The following TBC1D22A variants were observed in gnomAD, a reference collection of about 807,000 sequenced individuals.
TBC1D22A encodes putative GTPase activator.
TBC1D22A carries 38 observed loss-of-function variants against 60.2 expected under a neutral mutation model. The ratio of observed to expected loss-of-function variants is 0.63; its 90% CI spans 0.49 to 0.83. The LOEUF (loss-of-function observed/expected upper bound fraction) is 0.83. Ranked by LOEUF, TBC1D22A falls within the 40% of genes least tolerant of loss-of-function variation. The pLI is 0.00. For synonymous variants in TBC1D22A, 302 were observed against 281.7 expected, an observed-to-expected ratio of 1.07 and a Z score of -0.72; for missense variants, 628 against 701.0, an observed-to-expected ratio of 0.90 and a Z score of 1.18.
At chr22:46,888,028 G>A (rs906471508) in intron 5 of TBC1D22A, among the ~76,000 whole-genome samples, 1 of 152,162 alleles carries the variant, frequency 6.6e-6, no homozygotes, top group Non-Finnish European at 1.5e-5. Context: ...TCTCTTTCAG[G>A]TCAGCTTTTC....
At chr22:47,109,308 C>A (rs2065758229) in intron 11 of TBC1D22A, among the ~76,000 whole-genome samples, 1 of 152,148 alleles carries the variant, frequency 6.6e-6, no homozygotes, top group Non-Finnish European at 1.5e-5. Context: ...TGAAGCATAC[C>A]TGTCAGTTAT....
chr22:47,159,440 G>A (rs1242573976), intron 12 of TBC1D22A, among the ~76,000 whole-genome samples: 1 of 146,228 alleles, frequency 6.8e-6, no homozygotes, highest in African/African-American at 2.6e-5. Flanking sequence ...CAAACACACA[G>A]CATGTATACA....
chr22:46,863,214 A>G (rs111569011), intron 4 of TBC1D22A, among the ~76,000 whole-genome samples: 2,936 of 152,318 alleles, frequency 0.019, 112 homozygotes, highest in African/African-American at 0.067. Context: ...ACAAGCAGCC[A>G]GGAGGTGGCT....
chr22:46,894,847 G>T lies in TBC1D22A; in HGVS notation c.900+1G>T. On this transcript the variant is annotated splice_donor_variant, in intron 7 of 12. Coordinates refer to ENST00000337137, the MANE Select transcript of TBC1D22A (RefSeq NM_014346.5). LOFTEE classifies it high-confidence loss of function. ...GATCCTGCAGCCCAAGGTGACGGAG[G>T]TAAGAAGCTCTTGCCGTGGGGAGTT... The T allele has an allele frequency of 1.2e-6, 2 of 1,614,220 alleles. No homozygotes were observed. The highest frequency in any genetic ancestry group is 2.2e-5 in the South Asian group (2 of 91,090).
At chr22:46,907,400 A>G (rs562632085) in intron 7 of TBC1D22A, among the ~76,000 whole-genome samples, 14 of 152,280 alleles carry the variant, frequency 9.2e-5, no homozygotes, top group African/African-American at 3.1e-4. Flanking sequence ...AGGCTGCAGC[A>G]TTGCCTGGTA....
chr22:46,857,362 C>T (rs2087621530), intron 4 of TBC1D22A, among the ~76,000 whole-genome samples: 1 of 152,180 alleles, frequency 6.6e-6, no homozygotes, highest in African/African-American at 2.4e-5. Context: ...AAAAGCTGCA[C>T]GTCAAAGCCC....
At chr22:47,155,209 T>C (rs866786043) in intron 12 of TBC1D22A, among the ~76,000 whole-genome samples, 8 of 136,584 alleles carry the variant, frequency 5.9e-5, no homozygotes, top group Middle Eastern at 3.5e-3. Flanking sequence ...AGAATTCCTT[T>C]TTTGGAAAAA....
intron 4 of TBC1D22A, among the ~76,000 whole-genome samples, chr22:46,833,150 C>G (rs2086381811): frequency 6.6e-6 from 1 of 152,202 alleles, no homozygotes; most frequent in South Asian, 2.1e-4. Context: ...ATGAGTTAAT[C>G]TCTTTCTATT....
intron 10 of TBC1D22A, among the ~76,000 whole-genome samples, chr22:47,015,040 C>T (rs1207915726): frequency 6.6e-6 from 1 of 152,246 alleles, no homozygotes; most frequent in Non-Finnish European, 1.5e-5. Flanking sequence ...ATAGGTTCAC[C>T]TCTTGTAACT....
chr22:47,134,296 A>G (rs766212155), intron 12 of TBC1D22A, among the ~76,000 whole-genome samples: 3 of 152,194 alleles, frequency 2.0e-5, no homozygotes, highest in African/African-American at 7.2e-5. Context: ...TTATTAAAAC[A>G]TCTCCCTCTC....
chr22:46,975,703 T>G (rs2074269430), intron 9 of TBC1D22A, among the ~76,000 whole-genome samples: 1 of 152,222 alleles, frequency 6.6e-6, no homozygotes, highest in South Asian at 2.1e-4. Flanking sequence ...TCTACTTGAT[T>G]CAGAATCATC....
At chr22:46,985,818 A>T (rs1244012315) in intron 9 of TBC1D22A, among the ~76,000 whole-genome samples, 1 of 152,188 alleles carries the variant, frequency 6.6e-6, no homozygotes, top group Non-Finnish European at 1.5e-5. Context: ...GTCTTCATTT[A>T]TTCCGATTCT....
chr22:47,055,178 G>A (rs888042636), intron 11 of TBC1D22A, among the ~76,000 whole-genome samples: 5 of 152,268 alleles, frequency 3.3e-5, no homozygotes, highest in African/African-American at 7.2e-5. Flanking sequence ...TGGCCCTTGT[G>A]CCCTGCTTGG....
chr22:47,038,226 G>C (rs1178166622), intron 11 of TBC1D22A, among the ~76,000 whole-genome samples: 2 of 152,150 alleles, frequency 1.3e-5, no homozygotes, highest in Non-Finnish European at 2.9e-5. Flanking sequence ...TTTTCATCCC[G>C]GCACCTCAAG....
intron 12 of TBC1D22A, among the ~76,000 whole-genome samples, chr22:47,145,703 T>A (rs1443268838): frequency 6.6e-6 from 1 of 152,228 alleles, no homozygotes; most frequent in Non-Finnish European, 1.5e-5. Context: ...TTGTTCTGAT[T>A]TTTTTCTAAG....
chr22:46,958,220 G>A (rs1046614423), intron 8 of TBC1D22A, among the ~76,000 whole-genome samples: 2 of 152,242 alleles, frequency 1.3e-5, no homozygotes, highest in Non-Finnish European at 2.9e-5. Flanking sequence ...TGGGAGTTTC[G>A]TAGAACCAGG....
chr22:46,808,984 T>C (rs61001680), intron 4 of TBC1D22A, among the ~76,000 whole-genome samples: 2,253 of 152,302 alleles, frequency 0.015, 57 homozygotes, highest in African/African-American at 0.052. Context: ...AGAGAAGAAG[T>C]TCAAGTTTGC....
At chr22:46,803,736 A>G (rs5767367) in intron 4 of TBC1D22A, among the ~76,000 whole-genome samples, 91,465 of 152,038 alleles carry the variant, frequency 0.6, 27,661 homozygotes, top group Middle Eastern at 0.72. Flanking sequence ...CTGGCGTCTC[A>G]TCAGGGAAGG....
intron 11 of TBC1D22A, among the ~76,000 whole-genome samples, chr22:47,083,348 GACACACAC>G (rs10549216): frequency 0.018 from 2,690 of 148,520 alleles, 43 homozygotes; most frequent in African/African-American, 0.043. Flanking sequence ...ATACTTAGAA[GACACACAC>G]ACACACACAC....
Sources: allele counts gnomAD v4.1 joint callset (sites outside exome capture counted in the v4.1 genomes callset), GRCh38; gene constraint gnomAD v4.1.1; transcripts MANE v1.5; gene names NCBI Gene and HGNC (gene_info 2026-07-23, HGNC 2026-07-21).